Variants in PSD3 observed in about 807,000 individuals in gnomAD.
PSD3 encodes the protein PH and SEC7 domain-containing protein 3.
Under a neutral mutation model 105.5 loss-of-function variants are expected in PSD3, and 49 were observed. That is an observed-to-expected ratio of 0.46 (90% CI 0.37 to 0.59). PSD3 has a LOEUF of 0.59. PSD3 is among the 20% of genes least tolerant of loss of function. The probability of loss-of-function intolerance (pLI) is 0.00; values close to 1 mark genes in which losing one functional copy is unlikely to be tolerated. For missense variants in PSD3, 1,561 were observed against 1,263.8 expected, an observed-to-expected ratio of 1.24 and a Z score of -3.57; for synonymous variants, 557 against 457.8, an observed-to-expected ratio of 1.22 and a Z score of -2.77.
At chr8:18,776,182 A>G (rs1808053340) in intron 8 of PSD3, among the ~76,000 whole-genome samples, 1 of 150,840 alleles carries the variant, frequency 6.6e-6, no homozygotes, top group Admixed American at 6.6e-5. Flanking sequence ...AGGTTTCTCT[A>G]TTCTGTTCCA....
chr8:18,865,257 TATATATATATATATATATATATATA>T lies in PSD3; in HGVS notation c.1634+2392_1634+2416del, dbSNP rs1563360202. The T allele has an allele frequency of 5.5e-3, 25 of 4,506 alleles. 3 individuals carry two copies. The highest frequency in any genetic ancestry group is 0.024 in the East Asian group (5 of 208). The allele number at this position is 4,506 out of a possible 1,614,324, so 0.3% of individuals were successfully genotyped here. ...ATATATATATATATATATATATATA[TATATATATATATATATATATATATA>T]TATATTTTTTTTTTTTTTTTTTTTT... On this transcript the variant is annotated intron_variant, in intron 4 of 15. Coordinates refer to ENST00000327040, the MANE Select transcript of PSD3 (RefSeq NM_015310.4).
chr8:18,646,485 C>T (rs904377895), intron 10 of PSD3, among the ~76,000 whole-genome samples: 4 of 152,068 alleles, frequency 2.6e-5, no homozygotes, highest in African/African-American at 9.7e-5. Flanking sequence ...TTAGGAAGAA[C>T]TCTTTTCATT....
chr8:18,612,130 T>C (rs1563377372), intron 11 of PSD3, among the ~76,000 whole-genome samples: 2 of 151,058 alleles, frequency 1.3e-5, no homozygotes, highest in African/African-American at 4.9e-5. Context: ...CAGCCTTACA[T>C]AAAAAAAAGT....
Position 18,533,274 on chromosome 8 carries a change from T to C in PSD3, c.*2469A>G, listed in dbSNP as rs577410728. On this transcript the variant is annotated 3_prime_UTR_variant, in exon 16 of 16. Transcript: ENST00000327040. Reference sequence around the variant, plus strand: ...TCAGGGAAGAGGTGTTCTCAGCCCATGCGCTAAAGATGGACAGCATCATGC... The same window carrying C: ...TCAGGGAAGAGGTGTTCTCAGCCCACGCGCTAAAGATGGACAGCATCATGC... 2.0e-5 allele frequency: 3 copies of C among 152,294 alleles called. No homozygotes were observed. The highest frequency in any genetic ancestry group is 2.1e-4 in the South Asian group (1 of 4,818). The allele number at this position is 152,294 out of a possible 1,614,324, so 9.4% of individuals were successfully genotyped here. A position where few individuals can be genotyped will look rare whatever the true frequency, so the allele number is the denominator to read the frequency against.
intron 12 of PSD3, among the ~76,000 whole-genome samples, chr8:18,588,522 C>T (rs1489041161): frequency 6.6e-6 from 1 of 152,168 alleles, no homozygotes; most frequent in Non-Finnish European, 1.5e-5. Context: ...TATGATTTAA[C>T]TGAAATAGCA....
intron 1 of PSD3, among the ~76,000 whole-genome samples, chr8:19,074,370 G>A (rs889680350): frequency 2.0e-5 from 3 of 151,876 alleles, no homozygotes; most frequent in African/African-American, 7.3e-5. Flanking sequence ...CGGGTCCGGG[G>A]GGTGCCACAA....
chr8:18,550,743 G>T (rs1554509648), intron 15 of PSD3, among the ~76,000 whole-genome samples: 3 of 152,052 alleles, frequency 2.0e-5, no homozygotes, highest in Non-Finnish European at 2.9e-5. Flanking sequence ...TTGAAAAATT[G>T]TAAGTCAAAC....
intron 9 of PSD3, among the ~76,000 whole-genome samples, chr8:18,708,344 T>C (rs1295152164): frequency 6.6e-6 from 1 of 152,150 alleles, no homozygotes; most frequent in Non-Finnish European, 1.5e-5. Flanking sequence ...CCTAGCTCAA[T>C]ACAAGGGTGA....
intron 14 of PSD3, among the ~76,000 whole-genome samples, chr8:18,557,910 A>G (rs1801174673): frequency 6.6e-6 from 1 of 152,214 alleles, no homozygotes; most frequent in African/African-American, 2.4e-5. Context: ...CAGTGTAGCT[A>G]TACTCGAAAA....
chr8:18,837,816 C>T (rs534717844), intron 4 of PSD3, among the ~76,000 whole-genome samples: 1 of 152,204 alleles, frequency 6.6e-6, no homozygotes, highest in Non-Finnish European at 1.5e-5. Context: ...AAAATAAAAG[C>T]ACTAGTCATC....
chr8:18,698,564 C>CA (rs1801394453), intron 9 of PSD3, among the ~76,000 whole-genome samples: 1 of 152,138 alleles, frequency 6.6e-6, no homozygotes, highest in Non-Finnish European at 1.5e-5. Context: ...AAAAGACAAG[C>CA]AAAAAGATTC....
chr8:18,655,707 T>C (rs201042831), intron 9 of PSD3, 22 bp from the exon 10 acceptor site: 1 of 1,606,006 alleles, frequency 6.2e-7, no homozygotes, highest in Non-Finnish European at 8.5e-7. Flanking sequence ...GAAAATGAGA[T>C]CACATTATTC....
intron 14 of PSD3, among the ~76,000 whole-genome samples, chr8:18,569,214 A>ACC (rs1801988279): frequency 7.5e-6 from 1 of 133,220 alleles, no homozygotes. Context: ...TCCTTTGGGT[A>ACC]TATACCCAGT....
intron 1 of PSD3, among the ~76,000 whole-genome samples, chr8:19,038,245 T>G (rs541250875): frequency 6.6e-6 from 1 of 152,276 alleles, no homozygotes; most frequent in African/African-American, 2.4e-5. Context: ...TATCAAACTT[T>G]CCAGAGCTCC....
intron 9 of PSD3, among the ~76,000 whole-genome samples, chr8:18,719,370 A>G (rs115003292): frequency 0.037 from 5,598 of 152,240 alleles, 314 homozygotes; most frequent in African/African-American, 0.13. Context: ...GCTTTATTCC[A>G]TGTTTTAGAG....
At chr8:18,719,439 A>G (rs1483248250) in intron 9 of PSD3, among the ~76,000 whole-genome samples, 2 of 152,238 alleles carry the variant, frequency 1.3e-5, no homozygotes, top group Non-Finnish European at 1.5e-5. Flanking sequence ...GAAGCAAAAG[A>G]CAGGTCAAGG....
At chr8:18,659,715 A>G (rs1809190889) in intron 9 of PSD3, among the ~76,000 whole-genome samples, 1 of 152,232 alleles carries the variant, frequency 6.6e-6, no homozygotes, top group South Asian at 2.1e-4. Context: ...GCTAGGACAC[A>G]TGCTTGAAGC....
rs538222964 is a variant in PSD3, at chr8:18,766,383, T to G, written c.2083-845A>C. Reference sequence around the variant, plus strand: ...AGGTTTATATACACATACATACAATTTTACTGCACTAAAAACATGGTTTAT... The same window carrying G: ...AGGTTTATATACACATACATACAATGTTACTGCACTAAAAACATGGTTTAT... On this transcript the variant is annotated intron_variant, in intron 8 of 15. Coordinates refer to ENST00000327040, the MANE Select transcript of PSD3 (RefSeq NM_015310.4). Among the ~76,000 whole-genome samples, 227 of 152,270 alleles carry G rather than the reference T, an allele frequency of 1.5e-3. 1 individual carries two copies. Among genetic ancestry groups the G allele is most frequent in the Non-Finnish European group, 2.7e-3 (184 of 68,024 alleles).
chr8:18,634,024 C>T (rs939270932), intron 10 of PSD3, among the ~76,000 whole-genome samples: 5 of 151,864 alleles, frequency 3.3e-5, no homozygotes, highest in East Asian at 3.9e-4. Flanking sequence ...TTAGTGACGC[C>T]GAGTATTTTT....
Sources: gnomAD v4.1 joint callset for allele counts (sites outside exome capture counted in the v4.1 genomes callset) on GRCh38, gnomAD v4.1.1 for gene constraint, MANE v1.5 for transcripts, NCBI Gene and HGNC (gene_info 2026-07-23, HGNC 2026-07-21) for gene names.